The following GNA13 variants were observed in gnomAD, a reference collection of about 807,000 sequenced individuals.
The protein encoded by GNA13 is guanine nucleotide-binding protein subunit alpha-13.
In GNA13, 4 loss-of-function variants were observed where a neutral mutation model predicts 33.5. The ratio of observed to expected loss-of-function variants is 0.12; its 90% CI spans 0.06 to 0.27. The LOEUF (loss-of-function observed/expected upper bound fraction) is 0.27, where lower values mean the gene tolerates loss of function less well. Among genes scored for constraint, GNA13 ranks in the 10% least tolerant of loss-of-function variants. The probability of loss-of-function intolerance (pLI) is 1.00; values close to 1 mark genes in which losing one functional copy is unlikely to be tolerated. For missense variants in GNA13, 319 were observed against 487.2 expected (o/e 0.65, Z 3.25); for synonymous variants, 176 against 183.8 (o/e 0.96, Z 0.34).
chr17:65,028,986 G>A (rs1415412432), intron 2 of GNA13, among the ~76,000 whole-genome samples: 5 of 152,170 alleles, frequency 3.3e-5, no homozygotes, highest in Admixed American at 2.0e-4. Context: ...AAAAAAGGAG[G>A]CAGAGTTACT....
chr17:65,046,157 T>C (rs1189437150), intron 2 of GNA13, among the ~76,000 whole-genome samples: 1 of 152,172 alleles, frequency 6.6e-6, no homozygotes, highest in Admixed American at 6.6e-5. Flanking sequence ...TTTTTAAATA[T>C]AGCACTATAT....
rs1906202776 is a variant in GNA13, at chr17:65,011,952, GAACTTA to G, written c.*2299_*2304del. 2 of 225,774 alleles carry G rather than the reference GAACTTA, an allele frequency of 8.9e-6. No homozygotes were observed. The highest frequency in any genetic ancestry group is 4.5e-5 in the African/African-American group (2 of 44,914). The allele number at this position is 225,774 out of a possible 1,614,324, so 14.0% of individuals were successfully genotyped here. A position where few individuals can be genotyped will look rare whatever the true frequency, so the allele number is the denominator to read the frequency against. On this transcript the variant is annotated 3_prime_UTR_variant, in exon 4 of 4. Coordinates refer to ENST00000439174, the MANE Select transcript of GNA13 (RefSeq NM_006572.6). ...AAATGTGGACTGAAGCCTTTAGATT[GAACTTA>G]AAGTTCTACTGAATGTCAAAACAAG...
intron 2 of GNA13, among the ~76,000 whole-genome samples, chr17:65,041,783 G>A (rs868336724): frequency 5.9e-4 from 90 of 152,296 alleles, no homozygotes; most frequent in African/African-American, 2.0e-3. Context: ...GCCTCCAGCA[G>A]GAAGATAAAT....
In GNA13 at chr17:65,009,356, C is replaced by G. The variant is rs1906093696; in HGVS notation, c.*4901G>C. On this transcript the variant is annotated 3_prime_UTR_variant, in exon 4 of 4. Coordinates refer to ENST00000439174, the MANE Select transcript of GNA13 (RefSeq NM_006572.6). ...CAAAGCAAATATTAATAGCAAGAGG[C>G]AAATGTTTTGCAAAATATGTACAAA... Among the ~76,000 whole-genome samples, 1 of 152,100 alleles carries G rather than the reference C, an allele frequency of 6.6e-6. No individual in the cohort carries two copies. Among genetic ancestry groups the G allele is most frequent in the Admixed American group, 6.5e-5 (1 of 15,274 alleles).
rs953245538 is a variant in GNA13, at chr17:65,011,930, T to C, written c.*2327A>G. On this transcript the variant is annotated 3_prime_UTR_variant, in exon 4 of 4. Coordinates refer to ENST00000439174, the MANE Select transcript of GNA13 (RefSeq NM_006572.6). ...TTTTAAAATACAACGTATAAAAAAA[T>C]GTGGACTGAAGCCTTTAGATTGAAC... The C allele has an allele frequency of 2.2e-5, 5 of 225,410 alleles. No homozygotes were observed. Among genetic ancestry groups the C allele is most frequent in the Non-Finnish European group, 3.5e-5 (4 of 113,304 alleles). The allele number at this position is 225,410 out of a possible 1,614,324, so 14.0% of individuals were successfully genotyped here. A position where few individuals can be genotyped will look rare whatever the true frequency, so the allele number is the denominator to read the frequency against.
chr17:65,014,965 T>C lies in GNA13; in HGVS notation c.562-136A>G, dbSNP rs533757974. 5 of 624,344 alleles carry C rather than the reference T, an allele frequency of 8.0e-6. No homozygotes were observed. The highest frequency in any genetic ancestry group is 1.4e-5 in the Non-Finnish European group (5 of 357,802). 38.7% of individuals were successfully genotyped at this position (624,344 alleles called of 1,614,324 possible). On this transcript the variant is annotated intron_variant, in intron 3 of 3. Coordinates refer to ENST00000439174, the MANE Select transcript of GNA13 (RefSeq NM_006572.6). The surrounding 1 kb of genome is among the most constrained non-coding windows in gnomAD (Gnocchi z 5.3). ...GTGACATTTTCAGATAGATTATGCT[T>C]ATTATAAAATGCCAAGACTGGTCAG... is the stretch of plus-strand genomic sequence containing the variant.
At chr17:65,024,478 T>A (rs961776196) in intron 2 of GNA13, among the ~76,000 whole-genome samples, 4 of 152,276 alleles carry the variant, frequency 2.6e-5, no homozygotes, top group African/African-American at 9.6e-5. Context: ...TTTATATTTT[T>A]AATCTCATCA....
chr17:65,012,475 A>C lies in GNA13; in HGVS notation c.*1782T>G, dbSNP rs1906227976. On this transcript the variant is annotated 3_prime_UTR_variant, in exon 4 of 4. Transcript: ENST00000439174. ...CATGAATGATACCATGATACCACGAACATGCACGATACCATGAACTTGCAT... is the reference window on the plus strand; with the variant it reads ...CATGAATGATACCATGATACCACGACCATGCACGATACCATGAACTTGCAT... 2 of 220,006 alleles carry C rather than the reference A, an allele frequency of 9.1e-6. No homozygotes were observed. The highest frequency in any genetic ancestry group is 1.2e-4 in the Admixed American group (2 of 17,350). 13.6% of individuals were successfully genotyped at this position (220,006 alleles called of 1,614,324 possible).
chr17:65,056,251 A>ACCCCCCCCCCCCCCCCCC, intron 1 of GNA13, 60 bp downstream of exon 1: 3 of 740,724 alleles, frequency 4.1e-6, no homozygotes, highest in Non-Finnish European at 6.2e-6. Context: ...CCCGCCCCGC[A>ACCCCCCCCCCCCCCCCCC]CCCGCCGCCG....
intron 3 of GNA13, 61 bp downstream of exon 3, chr17:65,018,192 C>T (rs943475685): frequency 4.3e-6 from 3 of 696,074 alleles, no homozygotes; most frequent in Non-Finnish European, 7.5e-6. Flanking sequence ...TTCCTAACAT[C>T]GATATCCTGA....
At chr17:65,031,866 T>TCG (rs1907028698) in intron 2 of GNA13, among the ~76,000 whole-genome samples, 1 of 106,358 alleles carries the variant, frequency 9.4e-6, no homozygotes, top group Non-Finnish European at 1.8e-5. Context: ...CCGGACAACA[T>TCG]AGAGAGAGAG....
chr17:65,045,312 G>C (rs986966664), intron 2 of GNA13, among the ~76,000 whole-genome samples: 6 of 151,960 alleles, frequency 3.9e-5, no homozygotes, highest in Non-Finnish European at 7.4e-5. Context: ...CTGAGGTCAG[G>C]AGTTCGAGAC....
chr17:65,042,566 A>G lies in GNA13; in HGVS notation c.510+10936T>C, dbSNP rs1386548738. Among the ~76,000 whole-genome samples the G allele has an allele frequency of 3.3e-5, 5 of 151,898 alleles. No individual in the cohort carries two copies. The East Asian group carries it at 7.8e-4, about 24-fold the overall frequency. ...AGCATGGCCAACACGGTGAAACCCC[A>G]TCTCTACCAAAAATACAAAAATTAG... On this transcript the variant is annotated intron_variant, in intron 2 of 3. Coordinates refer to ENST00000439174, the MANE Select transcript of GNA13 (RefSeq NM_006572.6).
At chr17:65,031,880 GAGAGAGAGAGAGAGAA>G (rs1907032071) in intron 2 of GNA13, among the ~76,000 whole-genome samples, 3 of 126,346 alleles carry the variant, frequency 2.4e-5, no homozygotes, top group Admixed American at 1.7e-4. Flanking sequence ...GAGAGAGAGA[GAGAGAGAGAGAGAGAA>G]AGAGAGAGAG....
chr17:65,051,231 G>A (rs1249603509), intron 2 of GNA13, among the ~76,000 whole-genome samples: 1 of 152,186 alleles, frequency 6.6e-6, no homozygotes, highest in Non-Finnish European at 1.5e-5. Context: ...GACCTGGAAG[G>A]ATGAATAGAG....
At chr17:65,015,363 T>G (rs1054689400) in intron 3 of GNA13, among the ~76,000 whole-genome samples, 5 of 151,962 alleles carry the variant, frequency 3.3e-5, no homozygotes, top group Non-Finnish European at 1.5e-5. Flanking sequence ...TCCTTGCTCC[T>G]CTATTAAAAG....
intron 2 of GNA13, among the ~76,000 whole-genome samples, chr17:65,023,816 C>T (rs915720141): frequency 2.6e-5 from 4 of 152,186 alleles, no homozygotes; most frequent in African/African-American, 9.7e-5. Context: ...TTTCAAAATC[C>T]ATTTAACTAC....
intron 2 of GNA13, among the ~76,000 whole-genome samples, chr17:65,025,721 T>G (rs1445661387): frequency 6.6e-6 from 1 of 151,372 alleles, no homozygotes; most frequent in Admixed American, 6.6e-5. Context: ...GCTCAATGCC[T>G]GTAATCCCAG....
In GNA13 at chr17:65,016,181, C is replaced by T. The variant is rs1015234614; in HGVS notation, c.562-1352G>A. On this transcript the variant is annotated intron_variant, in intron 3 of 3. Transcript: ENST00000439174. ...ACACAACTTTCTGGTAATACATGAA[C>T]GGGACAGCTAATATTTATCATCAAG... Among the ~76,000 whole-genome samples the T allele has an allele frequency of 9.9e-5, 15 of 152,126 alleles. No individual in the cohort carries two copies. In the East Asian group the frequency reaches 1.5e-3, roughly 16 times the overall value.
Sources: gnomAD v4.1 joint callset for allele counts (sites outside exome capture counted in the v4.1 genomes callset) on GRCh38, gnomAD v4.1.1 for gene constraint, Gnocchi (gnomAD v3.1) non-coding constraint, MANE v1.5 for transcripts, NCBI Gene and HGNC (gene_info 2026-07-23, HGNC 2026-07-21) for gene names.